The following SERINC5 variants were observed in gnomAD, a reference collection of about 807,000 sequenced individuals.
The protein encoded by SERINC5 is chromosome 5 open reading frame 12.
Under a neutral mutation model 63.1 loss-of-function variants are expected in SERINC5, and 41 were observed. That is an observed-to-expected ratio of 0.65 (90% CI 0.51 to 0.84). The LOEUF (loss-of-function observed/expected upper bound fraction) is 0.84. Ranked by LOEUF, SERINC5 falls within the 40% of genes least tolerant of loss-of-function variation. SERINC5 has a pLI of 0.00. For synonymous variants in SERINC5, 222 were observed against 215.2 expected (o/e 1.03, Z -0.28); for missense variants, 523 against 573.0 (o/e 0.91, Z 0.89).
At chr5:80,168,913 C>G (rs1473475988) in intron 6 of SERINC5, among the ~76,000 whole-genome samples, 1 of 152,166 alleles carries the variant, frequency 6.6e-6, no homozygotes, top group East Asian at 1.9e-4. Context: ...ACTCCCAGAC[C>G]ACACTGTCCA....
chr5:80,190,712 A>G (rs939792945), intron 2 of SERINC5, among the ~76,000 whole-genome samples: 2 of 152,244 alleles, frequency 1.3e-5, no homozygotes, highest in African/African-American at 4.8e-5. Context: ...TGCCTTAGGC[A>G]GGACATTAGG....
At chr5:80,163,110 C>G (rs1329565391) in intron 7 of SERINC5, among the ~76,000 whole-genome samples, 1 of 152,114 alleles carries the variant, frequency 6.6e-6, no homozygotes, top group Non-Finnish European at 1.5e-5. Flanking sequence ...CCACCCTGCC[C>G]TCCCAAAGTG....
In SERINC5 at chr5:80,226,364, G is replaced by C. The variant is rs148314234; in HGVS notation, c.28-23311C>G. On this transcript the variant is annotated intron_variant, in intron 1 of 11. Coordinates refer to ENST00000507668, the MANE Select transcript of SERINC5 (RefSeq NM_001174072.3). ...GAAATCTGAGTCTCAGAGGTTAACCGACTTTCCAGAAGCCACTTTGGGATA... is the reference window on the plus strand; with the variant it reads ...GAAATCTGAGTCTCAGAGGTTAACCCACTTTCCAGAAGCCACTTTGGGATA... 2.6e-5 allele frequency among the ~76,000 whole-genome samples: 4 copies of C among 152,138 alleles called. No homozygotes were observed. The East Asian group carries it at 7.7e-4, about 29-fold the overall frequency.
intron 2 of SERINC5, among the ~76,000 whole-genome samples, chr5:80,179,240 A>G (rs1226937422): frequency 6.6e-6 from 1 of 152,148 alleles, no homozygotes; most frequent in Non-Finnish European, 1.5e-5. Flanking sequence ...CAGAGGTTGC[A>G]GCGAGCCGAG....
intron 11 of SERINC5, chr5:80,116,143 C>T (rs749874447): frequency 5.4e-6 from 2 of 367,712 alleles, no homozygotes; most frequent in Non-Finnish European, 1.1e-5. Context: ...GGCACCTTGC[C>T]GTAGGCCTCT....
downstream of SERINC5, among the ~76,000 whole-genome samples, chr5:80,137,797 C>T (rs893455487): frequency 2.0e-5 from 3 of 151,228 alleles, no homozygotes; most frequent in Non-Finnish European, 4.4e-5. Flanking sequence ...CAAAAATTAG[C>T]CAGGCTTGGT....
Position 80,169,558 on chromosome 5 carries a change from G to A in SERINC5, c.552-12C>T. On this transcript the variant is annotated splice_polypyrimidine_tract_variant and intron_variant, in intron 5 of 11. Coordinates refer to ENST00000507668, the MANE Select transcript of SERINC5 (RefSeq NM_001174072.3). ...CTGTGCCTGCTGTCCTGTTTCTCCG[G>A]GAAGTGGGTAAGAGGGAGAGGAGAG... 1 of 1,604,766 alleles carries A rather than the reference G, an allele frequency of 6.2e-7. No individual in the cohort carries two copies. The highest frequency in any genetic ancestry group is 8.5e-7 in the Non-Finnish European group (1 of 1,174,928).
chr5:80,141,774 G>A lies in SERINC5; in HGVS notation c.*1889C>T. 1.0e-6 allele frequency: 1 copy of A among 985,376 alleles called. No individual in the cohort carries two copies. The highest frequency in any genetic ancestry group is 1.2e-6 in the Non-Finnish European group (1 of 829,942). The allele number at this position is 985,376 out of a possible 1,614,324, so 61.0% of individuals were successfully genotyped here. A position where few individuals can be genotyped will look rare whatever the true frequency, so the allele number is the denominator to read the frequency against. On this transcript the variant is annotated 3_prime_UTR_variant, in exon 12 of 12. Transcript: ENST00000507668. ...GCGACTCCAGATGAATCTTTTAACT[G>A]CTGAGTACAGAGCTCCTGCCCTAAA...
chr5:80,251,729 CA>C (rs559105559), intron 1 of SERINC5, among the ~76,000 whole-genome samples: 1,554 of 93,468 alleles, frequency 0.017, 8 homozygotes, highest in Middle Eastern at 0.029. Context: ...GACGCTGTCT[CA>C]AAAAAAAAAA....
At chr5:80,174,044 G>T (rs1370176942) in intron 5 of SERINC5, among the ~76,000 whole-genome samples, 1 of 152,010 alleles carries the variant, frequency 6.6e-6, no homozygotes, top group Admixed American at 6.6e-5. Flanking sequence ...CAGAGGGGCC[G>T]ACTGATGAGC....
chr5:80,177,458 G>A, intron 3 of SERINC5, 61 bp from the exon 4 acceptor site: 1 of 1,343,608 alleles, frequency 7.4e-7, no homozygotes, highest in Non-Finnish European at 1.1e-6. Flanking sequence ...AAGGACAAAG[G>A]ACCTCGTAGA....
intron 8 of SERINC5, among the ~76,000 whole-genome samples, 179 bp from the exon 9 acceptor site, chr5:80,151,127 TTCTATAGTTGATA>T (rs1164582041): frequency 2.6e-5 from 4 of 152,250 alleles, no homozygotes; most frequent in African/African-American, 9.6e-5. Context: ...GGCTGGCTTA[TTCTATAGTTGATA>T]TCATTTTACA....
At chr5:80,227,294 G>A (rs1355910660) in intron 1 of SERINC5, among the ~76,000 whole-genome samples, 1 of 152,138 alleles carries the variant, frequency 6.6e-6, no homozygotes, top group Non-Finnish European at 1.5e-5. Flanking sequence ...AGGAAGAAAA[G>A]AGAGAAAAAG....
intron 1 of SERINC5, among the ~76,000 whole-genome samples, chr5:80,214,423 C>G (rs1313985062): frequency 1.3e-5 from 2 of 152,106 alleles, no homozygotes; most frequent in African/African-American, 4.8e-5. Context: ...ACAAAACATT[C>G]CTGTTCCACC....
intron 7 of SERINC5, among the ~76,000 whole-genome samples, chr5:80,164,938 G>T (rs1580094357): frequency 4.5e-5 from 3 of 66,198 alleles, no homozygotes; most frequent in Admixed American, 2.1e-4. Context: ...TTTTTGTAGA[G>T]ATGCTATGTT....
At chr5:80,201,842 G>A (rs943745428) in intron 2 of SERINC5, among the ~76,000 whole-genome samples, 1 of 152,154 alleles carries the variant, frequency 6.6e-6, no homozygotes, top group Admixed American at 6.5e-5. Flanking sequence ...GTCCAGAAAG[G>A]TGGGAAATGC....
chr5:80,253,865 C>T (rs881708), intron 1 of SERINC5, among the ~76,000 whole-genome samples: 52,124 of 152,038 alleles, frequency 0.34, 9,258 homozygotes, highest in East Asian at 0.56. Context: ...TGGCAAAAGG[C>T]AGGTGCCCAC....
intron 7 of SERINC5, among the ~76,000 whole-genome samples, chr5:80,162,106 C>G (rs1476848909): frequency 6.6e-6 from 1 of 152,088 alleles, no homozygotes; most frequent in Non-Finnish European, 1.5e-5. Flanking sequence ...CTTACTGTAG[C>G]TTTGTAGCAT....
intron 9 of SERINC5, among the ~76,000 whole-genome samples, chr5:80,149,963 T>TAG (rs768836510): frequency 6.6e-6 from 1 of 152,186 alleles, no homozygotes; most frequent in African/African-American, 2.4e-5. Context: ...GACATTTTGT[T>TAG]GACTGATAGG....
Sources: gnomAD v4.1 joint callset for allele counts (sites outside exome capture counted in the v4.1 genomes callset) on GRCh38, gnomAD v4.1.1 for gene constraint, MANE v1.5 for transcripts, NCBI Gene and HGNC (gene_info 2026-07-23, HGNC 2026-07-21) for gene names.